The following NDUFAF2 variants were observed in gnomAD, a reference collection of about 807,000 sequenced individuals.
The protein encoded by NDUFAF2 is NADH dehydrogenase [ubiquinone] 1 alpha subcomplex assembly factor 2.
NDUFAF2 carries 13 observed loss-of-function variants against 22.8 expected under a neutral mutation model. That is an observed-to-expected ratio of 0.57 (90% CI 0.37 to 0.91). The LOEUF (loss-of-function observed/expected upper bound fraction) is 0.91. Among genes scored for constraint, NDUFAF2 ranks in the 40% least tolerant of loss-of-function variants. NDUFAF2 has a pLI of 0.01. For synonymous variants in NDUFAF2, 53 were observed against 64.2 expected, an observed-to-expected ratio of 0.83 and a Z score of 0.84; for missense variants, 162 against 195.2, an observed-to-expected ratio of 0.83 and a Z score of 1.01.
At chr5:61,036,144 A>G (rs534047834) in intron 1 of NDUFAF2, among the ~76,000 whole-genome samples, 4 of 152,238 alleles carry the variant, frequency 2.6e-5, no homozygotes, top group South Asian at 2.1e-4. Context: ...AGAAGCATAC[A>G]TCACTTTCAC....
At chr5:61,098,589 G>C (rs999148886) in intron 2 of NDUFAF2, among the ~76,000 whole-genome samples, 1 of 152,138 alleles carries the variant, frequency 6.6e-6, no homozygotes, top group Non-Finnish European at 1.5e-5. Flanking sequence ...AAATTGAACA[G>C]TAACTAATTC....
chr5:60,954,770 A>T (rs111539922), intron 1 of NDUFAF2, among the ~76,000 whole-genome samples: 2,001 of 151,024 alleles, frequency 0.013, 19 homozygotes, highest in Non-Finnish European at 0.022. Flanking sequence ...TTTAAATAGT[A>T]GCCATCCTAA....
intron 1 of NDUFAF2, among the ~76,000 whole-genome samples, chr5:61,032,024 T>C (rs902279250): frequency 2.0e-5 from 3 of 152,242 alleles, no homozygotes; most frequent in Non-Finnish European, 4.4e-5. Context: ...ATAAATGTCT[T>C]CTTTTGAGAA....
chr5:61,059,000 T>A (rs1300954045), intron 1 of NDUFAF2, among the ~76,000 whole-genome samples: 3 of 152,196 alleles, frequency 2.0e-5, no homozygotes, highest in African/African-American at 7.2e-5. Context: ...TCCTTTCAGT[T>A]TGGAAAATAA....
intron 3 of NDUFAF2, among the ~76,000 whole-genome samples, chr5:61,118,745 T>C (rs549795902): frequency 6.6e-6 from 1 of 152,284 alleles, no homozygotes; most frequent in South Asian, 2.1e-4. Context: ...TTTTCAAAAG[T>C]CTTTGAAGAT....
chr5:61,055,535 G>A (rs146157434), intron 1 of NDUFAF2, among the ~76,000 whole-genome samples: 160 of 152,284 alleles, frequency 1.1e-3, no homozygotes, highest in Admixed American at 1.8e-3. Flanking sequence ...CCCAAATTAT[G>A]CATTATCTTT....
chr5:61,088,069 T>G (rs1179572439), intron 2 of NDUFAF2, among the ~76,000 whole-genome samples: 1 of 152,074 alleles, frequency 6.6e-6, no homozygotes, highest in Non-Finnish European at 1.5e-5. Flanking sequence ...CTTGTGTGGT[T>G]GTTGGCAGCA....
At chr5:61,069,200 G>A (rs1752266125) in intron 1 of NDUFAF2, among the ~76,000 whole-genome samples, 2 of 135,252 alleles carry the variant, frequency 1.5e-5, no homozygotes, top group Admixed American at 1.6e-4. Context: ...ACAAAACATT[G>A]TTGTGAACTA....
chr5:60,999,244 A>T (rs62367881), intron 1 of NDUFAF2, among the ~76,000 whole-genome samples: 1 of 152,192 alleles, frequency 6.6e-6, no homozygotes, highest in East Asian at 1.9e-4. Flanking sequence ...ATTCAAACAG[A>T]TACTTAAATG....
At chr5:60,971,964 A>G (rs1580073390) in intron 1 of NDUFAF2, among the ~76,000 whole-genome samples, 2 of 125,216 alleles carry the variant, frequency 1.6e-5, no homozygotes, top group Middle Eastern at 5.2e-3. Context: ...TTTTTCTGAG[A>G]CGGAGTCGTG....
intron 1 of NDUFAF2, among the ~76,000 whole-genome samples, chr5:60,964,687 A>G (rs1357728966): frequency 6.6e-6 from 1 of 152,040 alleles, no homozygotes; most frequent in Non-Finnish European, 1.5e-5. Flanking sequence ...CCTGACCTCA[A>G]GTGATCTGCC....
At chr5:61,152,176 A>AT (rs142023558) in intron 3 of NDUFAF2, among the ~76,000 whole-genome samples, 307 of 152,146 alleles carry the variant, frequency 2.0e-3, no homozygotes, top group African/African-American at 7.1e-3. Context: ...TTCCATTCCT[A>AT]TCCTCCTCCT....
At chr5:61,041,361 T>C (rs1214183694) in intron 1 of NDUFAF2, among the ~76,000 whole-genome samples, 1 of 152,154 alleles carries the variant, frequency 6.6e-6, no homozygotes, top group Non-Finnish European at 1.5e-5. Flanking sequence ...GTTGAAATAC[T>C]ACCAATAGAG....
Position 60,984,989 on chromosome 5 carries a change from C to T in NDUFAF2, c.127+39607C>T, listed in dbSNP as rs1751051555. Among the ~76,000 whole-genome samples, 4 of 152,228 alleles carry T rather than the reference C, an allele frequency of 2.6e-5. No homozygotes were observed. In the South Asian group the frequency reaches 8.3e-4, roughly 32 times the overall value. On this transcript the variant is annotated intron_variant, in intron 1 of 3. Coordinates refer to ENST00000296597, the MANE Select transcript of NDUFAF2 (RefSeq NM_174889.5). Reference sequence around the variant, plus strand: ...AAATGGTACCAGCTCCTCCTTGTACCTCTGGTAGAATTCGGCTGTGAATTC... The same window carrying T: ...AAATGGTACCAGCTCCTCCTTGTACTTCTGGTAGAATTCGGCTGTGAATTC...
Position 60,945,226 on chromosome 5 carries a change from GC to G in NDUFAF2, c.-29del. 1 of 1,609,966 alleles carries G rather than the reference GC, an allele frequency of 6.2e-7. No individual in the cohort carries two copies. Among genetic ancestry groups the G allele is most frequent in the Non-Finnish European group, 8.5e-7 (1 of 1,178,856 alleles). On this transcript the variant is annotated 5_prime_UTR_variant, in exon 1 of 4. Coordinates refer to ENST00000296597, the MANE Select transcript of NDUFAF2 (RefSeq NM_174889.5). ...CATTACCCCTACTGCGGGTCCCGCTGCTGGCAGCGCTGGAAACTGGGTGGAC... is the reference window on the plus strand; with the variant it reads ...CATTACCCCTACTGCGGGTCCCGCTGTGGCAGCGCTGGAAACTGGGTGGAC...
chr5:60,997,841 TA>T (rs1751247388), intron 1 of NDUFAF2, among the ~76,000 whole-genome samples: 1 of 152,142 alleles, frequency 6.6e-6, no homozygotes, highest in Admixed American at 6.5e-5. Context: ...TCTAAGTGTG[TA>T]AAATAGCTGA....
intron 1 of NDUFAF2, among the ~76,000 whole-genome samples, chr5:61,011,982 A>T (rs192866146): frequency 1.3e-5 from 2 of 152,314 alleles, no homozygotes; most frequent in East Asian, 3.9e-4. Context: ...TGATAAGATT[A>T]CTACTGGTAA....
At chr5:61,053,745 A>G (rs1752052342) in intron 1 of NDUFAF2, among the ~76,000 whole-genome samples, 1 of 152,216 alleles carries the variant, frequency 6.6e-6, no homozygotes, top group South Asian at 2.1e-4. Flanking sequence ...AAGAAACAAT[A>G]AAGAATAGAC....
intron 3 of NDUFAF2, among the ~76,000 whole-genome samples, chr5:61,113,371 T>G (rs539663001): frequency 9.8e-5 from 15 of 152,288 alleles, no homozygotes; most frequent in Non-Finnish European, 2.1e-4. Flanking sequence ...TTTGTTTATT[T>G]TGTAAAGTCT....
Sources: gnomAD v4.1 joint callset for allele counts (sites outside exome capture counted in the v4.1 genomes callset) on GRCh38, gnomAD v4.1.1 for gene constraint, MANE v1.5 for transcripts, NCBI Gene and HGNC (gene_info 2026-07-23, HGNC 2026-07-21) for gene names.